Variants in KIF26B observed in about 807,000 individuals in gnomAD.
KIF26B encodes the protein kinesin-like protein KIF26B.
Under a neutral mutation model 151.2 loss-of-function variants are expected in KIF26B, and 63 were observed. That is an observed-to-expected ratio of 0.42 (90% CI 0.34 to 0.51). The LOEUF is 0.51. Among genes scored for constraint, KIF26B ranks in the 20% least tolerant of loss-of-function variants. KIF26B has a pLI of 0.07. For synonymous variants in KIF26B, 1,357 were observed against 1,262.1 expected (o/e 1.08, Z -1.59); for missense variants, 2,813 against 2,913.6 (o/e 0.97, Z 0.79).
intron 2 of KIF26B, among the ~76,000 whole-genome samples, chr1:245,362,270 G>A (rs1298572363): frequency 1.3e-5 from 2 of 150,398 alleles, no homozygotes; most frequent in African/African-American, 2.5e-5. Flanking sequence ...GGCTCATGCC[G>A]GTAATCCCAG....
chr1:245,245,038 A>G (rs1005679214), intron 2 of KIF26B, among the ~76,000 whole-genome samples: 8 of 152,128 alleles, frequency 5.3e-5, no homozygotes, highest in Non-Finnish European at 4.4e-5. Context: ...TCTGTCTGAA[A>G]GCTGTAGAAC....
chr1:245,161,621 G>A (rs1189888764), intron 2 of KIF26B, among the ~76,000 whole-genome samples: 1 of 152,066 alleles, frequency 6.6e-6, no homozygotes, highest in Non-Finnish European at 1.5e-5. Flanking sequence ...TACATACCAC[G>A]AACTACACTG....
chr1:245,596,116 G>T (rs2103140609), intron 5 of KIF26B, among the ~76,000 whole-genome samples: 1 of 152,142 alleles, frequency 6.6e-6, no homozygotes, highest in Non-Finnish European at 1.5e-5. Context: ...CCAGCTCCTG[G>T]ATTCATTGAT....
Position 245,386,736 on chromosome 1 carries a change from C to T in KIF26B, c.999+19369C>T, listed in dbSNP as rs745578412. Among the ~76,000 whole-genome samples the T allele has an allele frequency of 3.3e-5, 5 of 152,238 alleles. No individual in the cohort carries two copies. The South Asian group carries it at 1.0e-3, about 32-fold the overall frequency. The stretch of plus-strand genomic sequence containing the variant: ...CAATGAACAACTTCATCAGGTTAAA[C>T]TGCAGCAAATGTCACCACTTATTTT... On this transcript the variant is annotated intron_variant, in intron 3 of 14. Transcript: ENST00000407071.
intron 5 of KIF26B, among the ~76,000 whole-genome samples, chr1:245,562,412 T>C (rs6687026): frequency 0.18 from 26,726 of 152,090 alleles, 3,317 homozygotes; most frequent in East Asian, 0.59. Context: ...CAAAATTTCA[T>C]GCTTGGCTCC....
In KIF26B at chr1:245,684,300, G is replaced by A. The variant is rs768079311; in HGVS notation, c.2326G>A (p.Ala776Thr). The A allele has an allele frequency of 8.1e-6, 13 of 1,613,836 alleles. No homozygotes were observed. Among genetic ancestry groups the A allele is most frequent in the South Asian group, 2.2e-5 (2 of 91,082 alleles). ...GNMNCRTTMI[A>T]HISAAVGSYA... ...CATGAACTGCCGTACCACCATGATCGCGCACATCTCGGCCGCGGTCGGGAG... is the reference window on the plus strand; with the variant it reads ...CATGAACTGCCGTACCACCATGATCACGCACATCTCGGCCGCGGTCGGGAG... The change falls in exon 11 of 15, where the codon GCG becomes ACG. Residue 776 changes from alanine (A) to threonine (T), a missense_variant. Ala to Thr is a moderately conservative substitution (Grantham distance 58). This residue lies in a region of KIF26B where 2,060 missense variants were observed against 2,088.6 expected (regional missense o/e 0.99). Coordinates refer to ENST00000407071, the MANE Select transcript of KIF26B (RefSeq NM_018012.4).
intron 2 of KIF26B, among the ~76,000 whole-genome samples, chr1:245,217,824 G>A (rs192282698): frequency 1.3e-5 from 2 of 152,058 alleles, no homozygotes; most frequent in African/African-American, 2.4e-5. Context: ...GCACAGGTCC[G>A]CAGAACAGTC....
intron 5 of KIF26B, among the ~76,000 whole-genome samples, chr1:245,587,641 G>C (rs1316808653): frequency 6.6e-6 from 1 of 152,198 alleles, no homozygotes; most frequent in East Asian, 1.9e-4. Context: ...GAGTGCTTTG[G>C]AAATACAAAA....
chr1:245,154,991 C>A lies in KIF26B; in HGVS notation c.-434C>A. 2.4e-6 allele frequency: 1 copy of A among 413,054 alleles called. No individual in the cohort carries two copies. The highest frequency in any genetic ancestry group is 4.4e-5 in the Admixed American group (1 of 22,798). The allele number at this position is 413,054 out of a possible 1,614,324, so 25.6% of individuals were successfully genotyped here. ...GGAGAATTTCTTTGAACTCAGTTAC[C>A]AAGCTCGGTGAAGGAGACAAGTTCC... On this transcript the variant is annotated 5_prime_UTR_variant, in exon 1 of 15. Coordinates refer to ENST00000407071, the MANE Select transcript of KIF26B (RefSeq NM_018012.4).
At chr1:245,524,670 A>G (rs1661199216) in intron 4 of KIF26B, among the ~76,000 whole-genome samples, 1 of 152,258 alleles carries the variant, frequency 6.6e-6, no homozygotes, top group South Asian at 2.1e-4. Context: ...ATTAACCTCT[A>G]TAAAAAACAA....
chr1:245,282,190 A>C (rs1042748260), intron 2 of KIF26B, among the ~76,000 whole-genome samples: 1 of 152,080 alleles, frequency 6.6e-6, no homozygotes. Flanking sequence ...TACAGATTCA[A>C]TGCCATCCCC....
rs1455336688 is a variant in KIF26B at position 245,705,428 on chromosome 1, C to T, written c.*2822C>T. ...TTGATGATGAAGGAAGGAGTTCCGG[C>T]TGACCATTCTGAAGCAGTCCCAGTC... On this transcript the variant is annotated 3_prime_UTR_variant, in exon 15 of 15. Transcript: ENST00000407071. The T allele has an allele frequency of 1.3e-5, 2 of 152,144 alleles. No individual in the cohort carries two copies. The highest frequency in any genetic ancestry group is 4.8e-5 in the African/African-American group (2 of 41,436). 9.4% of individuals were successfully genotyped at this position (152,144 alleles called of 1,614,324 possible).
At position 245,703,716 on chromosome 1, in the gene KIF26B, C is replaced by CTG. The variant is rs1255443009; in HGVS notation, c.*1111_*1112dup. ...TTGATTAAAGTGGGTTTTTCCCCAG[C>CTG]TGAGAGACCTTCTCAGGCTTGTTCA... is the stretch of plus-strand genomic sequence containing the variant. On this transcript the variant is annotated 3_prime_UTR_variant, in exon 15 of 15. Coordinates refer to ENST00000407071, the MANE Select transcript of KIF26B (RefSeq NM_018012.4). 1 of 152,228 alleles carries CTG rather than the reference C, an allele frequency of 6.6e-6. No individual in the cohort carries two copies. The allele number at this position is 152,228 out of a possible 1,614,324, so 9.4% of individuals were successfully genotyped here.
At chr1:245,325,298 C>T (rs1443308666) in intron 2 of KIF26B, among the ~76,000 whole-genome samples, 1 of 152,074 alleles carries the variant, frequency 6.6e-6, no homozygotes, top group Non-Finnish European at 1.5e-5. Flanking sequence ...GTAGTTGCAC[C>T]TGCTATGTGT....
In KIF26B at chr1:245,703,628, G is replaced by C. The variant is rs2044803448; in HGVS notation, c.*1022G>C. ...TTATTCCAAAAAGTCTTGAACGAAAGCTGGAACCAATTCACCAGAGCCATA... is the reference window on the plus strand; with the variant it reads ...TTATTCCAAAAAGTCTTGAACGAAACCTGGAACCAATTCACCAGAGCCATA... On this transcript the variant is annotated 3_prime_UTR_variant, in exon 15 of 15. Transcript: ENST00000407071. 6.6e-6 allele frequency: 1 copy of C among 152,170 alleles called. No homozygotes were observed. Among genetic ancestry groups the C allele is most frequent in the Non-Finnish European group, 1.5e-5 (1 of 68,034 alleles). 9.4% of individuals were successfully genotyped at this position (152,170 alleles called of 1,614,324 possible). A position where few individuals can be genotyped will look rare whatever the true frequency, so the allele number is the denominator to read the frequency against.
chr1:245,564,388 GGCCA>G lies in KIF26B; in HGVS notation c.1350+23439_1350+23442del. On this transcript the variant is annotated intron_variant, in intron 5 of 14. Coordinates refer to ENST00000407071, the MANE Select transcript of KIF26B (RefSeq NM_018012.4). This position sits in a 1 kb window ranked among gnomAD's most constrained non-coding sequence, Gnocchi z 4.6. Reference sequence around the variant, plus strand: ...GAGACCTTTCCCGGAGCAGGAACGGGGCCACGGCCGTGTTTGCATTTTCTGAACC... The same window carrying G: ...GAGACCTTTCCCGGAGCAGGAACGGGCGGCCGTGTTTGCATTTTCTGAACC... Among the ~76,000 whole-genome samples, 1 of 152,088 alleles carries G rather than the reference GGCCA, an allele frequency of 6.6e-6. No homozygotes were observed. Among genetic ancestry groups the G allele is most frequent in the East Asian group, 1.9e-4 (1 of 5,184 alleles).
rs1425930889 is a variant in KIF26B, at chr1:245,241,289, C to T, written c.465+84606C>T. Reference sequence around the variant, plus strand: ...AGGAAGACCACGAAGCCAGAGGGTGCCCCGACAGAGGAAAAGCGGCCGGTG... The same window carrying T: ...AGGAAGACCACGAAGCCAGAGGGTGTCCCGACAGAGGAAAAGCGGCCGGTG... On this transcript the variant is annotated intron_variant, in intron 2 of 14. Coordinates refer to ENST00000407071, the MANE Select transcript of KIF26B (RefSeq NM_018012.4). The surrounding 1 kb of genome is among the most constrained non-coding windows in gnomAD (Gnocchi z 5.0). Among the ~76,000 whole-genome samples the T allele has an allele frequency of 6.6e-6, 1 of 152,130 alleles. No individual in the cohort carries two copies. Among genetic ancestry groups the T allele is most frequent in the African/African-American group, 2.4e-5 (1 of 41,436 alleles).
intron 6 of KIF26B, among the ~76,000 whole-genome samples, chr1:245,607,066 CAA>C (rs35411674): frequency 0.16 from 11,782 of 72,112 alleles, 253 homozygotes; most frequent in African/African-American, 0.21. Context: ...AACTCCGTCT[CAA>C]AAAAAAAAAA....
At position 245,691,190 on chromosome 1, in the gene KIF26B, C is replaced by T. The variant is rs190938569; in HGVS notation, c.5824+2383C>T. The stretch of plus-strand genomic sequence containing the variant: ...CCAAGACTTTTATTGTTTGGTTTGG[C>T]GGTTACAGTGGAGTAAAGAGGAAGA... On this transcript the variant is annotated intron_variant, in intron 12 of 14. Coordinates refer to ENST00000407071, the MANE Select transcript of KIF26B (RefSeq NM_018012.4). 3.9e-5 allele frequency among the ~76,000 whole-genome samples: 6 copies of T among 152,150 alleles called. No individual in the cohort carries two copies. In the East Asian group the frequency reaches 7.7e-4, roughly 20 times the overall value.
Sources: gnomAD v4.1 joint callset for allele counts (sites outside exome capture counted in the v4.1 genomes callset) on GRCh38, gnomAD v4.1.1 for gene constraint, gnomAD v4.1.1 regional missense constraint, Gnocchi (gnomAD v3.1) non-coding constraint, MANE v1.5 for transcripts, NCBI Gene and HGNC (gene_info 2026-07-23, HGNC 2026-07-21) for gene names.